CAMK2D: variants seen among roughly 807,000 people sequenced by gnomAD.
The protein encoded by CAMK2D is calcium/calmodulin-dependent protein kinase type II subunit delta.
A neutral mutation model predicts 84.0 loss-of-function variants in CAMK2D; 37 were observed. The ratio of observed to expected loss-of-function variants is 0.44; its 90% CI spans 0.34 to 0.58. The LOEUF (loss-of-function observed/expected upper bound fraction) is 0.58, where lower values mean the gene tolerates loss of function less well. CAMK2D is among the 20% of genes least tolerant of loss of function. The pLI, the probability that CAMK2D is intolerant of heterozygous loss-of-function variation, is 0.02. For missense variants in CAMK2D, 448 were observed against 652.5 expected (o/e 0.69, Z 3.41); for synonymous variants, 202 against 212.5 (o/e 0.95, Z 0.43).
intron 16 of CAMK2D, among the ~76,000 whole-genome samples, chr4:113,478,991 G>T (rs1205786832): frequency 6.6e-6 from 1 of 151,788 alleles, no homozygotes; most frequent in Non-Finnish European, 1.5e-5. Context: ...TCTGTGTTTT[G>T]CCAGACAGAC....
At chr4:113,478,166 C>T (rs2097654231) in intron 16 of CAMK2D, among the ~76,000 whole-genome samples, 1 of 152,052 alleles carries the variant, frequency 6.6e-6, no homozygotes, top group Non-Finnish European at 1.5e-5. Context: ...GAGAGGATGA[C>T]TACTGAGAAT....
At position 113,720,107 on chromosome 4, in the gene CAMK2D, C is replaced by T. The variant is rs551832008; in HGVS notation, c.160+39213G>A. Reference sequence around the variant, plus strand: ...TTACTCATGATAGCAGATGACAAGCCGAGTTGCTATCAACAGTTCTCAGAT... The same window carrying T: ...TTACTCATGATAGCAGATGACAAGCTGAGTTGCTATCAACAGTTCTCAGAT... On this transcript the variant is annotated intron_variant, in intron 2 of 20. Transcript: ENST00000511664. Among the ~76,000 whole-genome samples the T allele has an allele frequency of 3.3e-5, 5 of 152,040 alleles. 1 individual carries two copies. The highest frequency in any genetic ancestry group is 9.6e-5 in the African/African-American group (4 of 41,484).
intron 4 of CAMK2D, among the ~76,000 whole-genome samples, chr4:113,602,954 C>G (rs1478299519): frequency 6.6e-6 from 1 of 152,156 alleles, no homozygotes; most frequent in Non-Finnish European, 1.5e-5. Context: ...TAGAAATGAA[C>G]TTGATCTGTG....
chr4:113,690,933 G>C (rs1361646328), intron 2 of CAMK2D, among the ~76,000 whole-genome samples: 1 of 152,142 alleles, frequency 6.6e-6, no homozygotes, highest in Non-Finnish European at 1.5e-5. Flanking sequence ...GGAAATATGA[G>C]AGATTGTTTA....
intron 3 of CAMK2D, among the ~76,000 whole-genome samples, chr4:113,641,763 T>C (rs760797666): frequency 5.9e-5 from 9 of 152,100 alleles, no homozygotes; most frequent in South Asian, 2.1e-4. Flanking sequence ...ATCCCAGCAC[T>C]TTAGGAGGCC....
chr4:113,636,253 C>A (rs2099109416), intron 3 of CAMK2D, among the ~76,000 whole-genome samples: 1 of 152,204 alleles, frequency 6.6e-6, no homozygotes, highest in African/African-American at 2.4e-5. Context: ...TAACTCATAT[C>A]CAATCCACCA....
At position 113,513,271 on chromosome 4, in the gene CAMK2D, A is replaced by G. The variant is rs1055483916; in HGVS notation, c.946+57T>C. The G allele has an allele frequency of 2.5e-6, 4 of 1,577,644 alleles. No individual in the cohort carries two copies. The African/African-American group carries it at 5.5e-5, about 22-fold the overall frequency. On this transcript the variant is annotated intron_variant, in intron 12 of 20. Transcript: ENST00000511664. ...TTTAAAATTCCAGAGACAAAAAAAC[A>G]GAGACTACTTAAAAAGAAGACCAAG...
intron 8 of CAMK2D, among the ~76,000 whole-genome samples, chr4:113,519,039 T>G (rs1405581244): frequency 6.6e-6 from 1 of 152,046 alleles, no homozygotes; most frequent in Admixed American, 6.6e-5. Flanking sequence ...TCCATACATC[T>G]AATGAAAATG....
chr4:113,492,133 C>G (rs1453149048), intron 16 of CAMK2D, among the ~76,000 whole-genome samples: 1 of 151,986 alleles, frequency 6.6e-6, no homozygotes, highest in Non-Finnish European at 1.5e-5. Context: ...TTTTGTGTCT[C>G]TATTTCCTTC....
At chr4:113,620,844 C>A (rs913894081) in intron 3 of CAMK2D, among the ~76,000 whole-genome samples, 1 of 152,092 alleles carries the variant, frequency 6.6e-6, no homozygotes, top group South Asian at 2.1e-4. Flanking sequence ...TTTTAAGAAC[C>A]AAATTTAAGA....
chr4:113,502,409 T>C (rs73841647), intron 15 of CAMK2D, among the ~76,000 whole-genome samples: 77 of 111,204 alleles, frequency 6.9e-4, no homozygotes, highest in African/African-American at 1.9e-3. Context: ...ACAACAACAA[T>C]AACAACAATA....
At chr4:113,728,817 A>T (rs2099553740) in intron 2 of CAMK2D, among the ~76,000 whole-genome samples, 1 of 152,166 alleles carries the variant, frequency 6.6e-6, no homozygotes, top group Non-Finnish European at 1.5e-5. Context: ...ATCAAATGAG[A>T]TAATGGATAG....
intron 3 of CAMK2D, among the ~76,000 whole-genome samples, chr4:113,649,628 A>G (rs948960663): frequency 6.6e-6 from 1 of 152,224 alleles, no homozygotes. Flanking sequence ...TATAGTATAT[A>G]ATCACACTAT....
chr4:113,487,524 T>C (rs35165228), intron 16 of CAMK2D, among the ~76,000 whole-genome samples: 26,293 of 152,084 alleles, frequency 0.17, 2,963 homozygotes, highest in Non-Finnish European at 0.26. Flanking sequence ...TTAACTTCTA[T>C]ATAGAAATGA....
intron 4 of CAMK2D, among the ~76,000 whole-genome samples, chr4:113,571,286 T>C (rs889391550): frequency 1.3e-5 from 2 of 152,270 alleles, no homozygotes; most frequent in African/African-American, 2.4e-5. Context: ...AATTCCACTA[T>C]GGGGTATATA....
chr4:113,712,240 A>G (rs1295050806), intron 2 of CAMK2D, among the ~76,000 whole-genome samples: 1 of 152,114 alleles, frequency 6.6e-6, no homozygotes, highest in Non-Finnish European at 1.5e-5. Flanking sequence ...AGCCCAGAAT[A>G]GCCAAGAATT....
chr4:113,647,321 T>G (rs1358510825), intron 3 of CAMK2D, among the ~76,000 whole-genome samples: 1 of 152,244 alleles, frequency 6.6e-6, no homozygotes, highest in Non-Finnish European at 1.5e-5. Context: ...AGATACAATA[T>G]AAATTGTTTC....
intron 10 of CAMK2D, 83 bp downstream of exon 10, chr4:113,514,986 C>CTAT (rs2098266276): frequency 8.1e-7 from 1 of 1,239,986 alleles, no homozygotes. Context: ...TTTTGCAAAG[C>CTAT]TATTTTAAAT....
intron 3 of CAMK2D, among the ~76,000 whole-genome samples, chr4:113,622,264 G>A (rs1047187): frequency 0.29 from 43,631 of 151,936 alleles, 7,008 homozygotes; most frequent in East Asian, 0.49. Context: ...ACTTCTTAAC[G>A]TGACCCATTT....
Sources: gnomAD v4.1 joint callset for allele counts (sites outside exome capture counted in the v4.1 genomes callset) on GRCh38, gnomAD v4.1.1 for gene constraint, MANE v1.5 for transcripts, NCBI Gene and HGNC (gene_info 2026-07-23, HGNC 2026-07-21) for gene names.